The following THEMIS variants were observed in gnomAD, a reference collection of about 807,000 sequenced individuals.
THEMIS encodes the protein protein THEMIS.
Under a neutral mutation model 52.6 loss-of-function variants are expected in THEMIS, and 37 were observed. The ratio of observed to expected loss-of-function variants is 0.70; its 90% CI spans 0.54 to 0.93. The LOEUF is 0.93. THEMIS is among the 40% of genes least tolerant of loss of function. The pLI is 0.00. For synonymous variants in THEMIS, 292 were observed against 272.7 expected (o/e 1.07, Z -0.70); for missense variants, 808 against 763.1 (o/e 1.06, Z -0.69).
intron 2 of THEMIS, among the ~76,000 whole-genome samples, chr6:127,852,078 GA>G (rs1379867770): frequency 6.6e-6 from 1 of 151,486 alleles, no homozygotes; most frequent in Non-Finnish European, 1.5e-5. Flanking sequence ...TTAACTGAAA[GA>G]AAACTGGAGT....
chr6:127,792,753 G>C (rs1777200849), intron 4 of THEMIS, among the ~76,000 whole-genome samples: 1 of 152,180 alleles, frequency 6.6e-6, no homozygotes. Context: ...TTTGCAGCAT[G>C]GTCTGGCAGA....
intron 1 of THEMIS, among the ~76,000 whole-genome samples, chr6:127,876,995 T>C (rs117944353): frequency 0.015 from 2,254 of 152,252 alleles, 19 homozygotes; most frequent in Non-Finnish European, 0.023. Flanking sequence ...TCAGTGCATA[T>C]AAAAATTATA....
intron 4 of THEMIS, among the ~76,000 whole-genome samples, chr6:127,727,848 A>C (rs999102535): frequency 6.6e-6 from 1 of 152,144 alleles, no homozygotes; most frequent in Admixed American, 6.6e-5. Flanking sequence ...CCTCAGCTCA[A>C]CTTAAGCCTG....
At chr6:127,799,559 C>CTTT (rs1447767591) in intron 4 of THEMIS, among the ~76,000 whole-genome samples, 1 of 133,198 alleles carries the variant, frequency 7.5e-6, no homozygotes, top group Non-Finnish European at 1.5e-5. Flanking sequence ...TTCTATCTTT[C>CTTT]TTTCTTTCTT....
At position 127,882,006 on chromosome 6, in the gene THEMIS, A is replaced by C. The variant is rs990852720; in HGVS notation, c.91+18836T>G. Among the ~76,000 whole-genome samples the C allele has an allele frequency of 1.1e-3, 167 of 151,750 alleles. 2 individuals carry two copies. The highest frequency in any genetic ancestry group is 3.9e-3 in the African/African-American group (160 of 41,500). ...GTGTCATCTTATACAGCAAAAAAAA[A>C]AAAAAAATGGTCTCCAAGTTTTTAA... On this transcript the variant is annotated intron_variant, in intron 1 of 5. Transcript: ENST00000368248.
In THEMIS at chr6:127,819,146, A is replaced by G. The variant is rs1476718384; in HGVS notation, c.710-5215T>C. 3.6e-5 allele frequency among the ~76,000 whole-genome samples: 5 copies of G among 138,580 alleles called. No individual in the cohort carries two copies. The South Asian group carries it at 6.9e-4, about 19-fold the overall frequency. The allele number at this position is 138,580 out of a possible 152,430, so 90.9% of individuals were successfully genotyped here. ...AAAAAAAAAAAAAAAAAAAAAAAAA[A>G]AAAGAAAGAAATTAAAAACACAGAA... On this transcript the variant is annotated intron_variant, in intron 3 of 5. Transcript: ENST00000368248.
intron 2 of THEMIS, among the ~76,000 whole-genome samples, chr6:127,845,618 T>C (rs1019218147): frequency 4.6e-5 from 7 of 151,942 alleles, no homozygotes; most frequent in Non-Finnish European, 7.4e-5. Context: ...ATTTGACATA[T>C]CTGGTGGCTC....
the THEMIS span, among the ~76,000 whole-genome samples, chr6:127,698,748 C>T: frequency 6.6e-6 from 1 of 151,860 alleles, no homozygotes; most frequent in East Asian, 1.9e-4. Context: ...GAAGTCCCCA[C>T]CCAGGCCCAG....
intron 2 of THEMIS, among the ~76,000 whole-genome samples, chr6:127,837,629 T>C (rs1778914858): frequency 6.6e-6 from 1 of 152,024 alleles, no homozygotes; most frequent in African/African-American, 2.4e-5. Context: ...TATGCATATA[T>C]ATATATCTAT....
intron 1 of THEMIS, among the ~76,000 whole-genome samples, chr6:127,871,245 GA>G (rs888874596): frequency 6.6e-6 from 1 of 150,914 alleles, no homozygotes; most frequent in Non-Finnish European, 1.5e-5. Flanking sequence ...GCAAAAATAA[GA>G]AAAAAAATTT....
intron 4 of THEMIS, among the ~76,000 whole-genome samples, chr6:127,809,572 T>A (rs1777830285): frequency 6.6e-6 from 1 of 152,124 alleles, no homozygotes; most frequent in Admixed American, 6.5e-5. Context: ...CACACTAGAA[T>A]TAAAGGAACT....
intron 4 of THEMIS, among the ~76,000 whole-genome samples, chr6:127,742,170 C>T (rs1014259682): frequency 6.6e-6 from 1 of 151,772 alleles, no homozygotes; most frequent in Non-Finnish European, 1.5e-5. Flanking sequence ...AAAAGATTAG[C>T]TGGGCATGGT....
intron 1 of THEMIS, among the ~76,000 whole-genome samples, chr6:127,909,202 C>G (rs1421147594): frequency 1.3e-5 from 2 of 152,050 alleles, no homozygotes; most frequent in Non-Finnish European, 2.9e-5. Context: ...ATACATGAAA[C>G]TGTGAGTTAC....
intron 3 of THEMIS, among the ~76,000 whole-genome samples, chr6:127,824,925 AAAAC>A (rs57655447): frequency 0.02 from 3,080 of 151,322 alleles, 128 homozygotes; most frequent in African/African-American, 0.068. Flanking sequence ...ACTCCGTCTC[AAAAC>A]AAACAAACAA....
chr6:127,767,372 G>A lies in THEMIS; in HGVS notation c.1758+45511C>T, dbSNP rs191855574. ...CTCCCAAAGTGCTGGGATTACAGAC[G>A]TGAGCCACCACACCAGGCCAAATAT... On this transcript the variant is annotated intron_variant, in intron 4 of 5. Coordinates refer to ENST00000368248, the MANE Select transcript of THEMIS (RefSeq NM_001010923.3). 1.7e-4 allele frequency among the ~76,000 whole-genome samples: 26 copies of A among 152,254 alleles called. No homozygotes were observed. In the East Asian group the frequency reaches 1.9e-3, roughly 11 times the overall value.
rs543437690 is a variant in THEMIS at position 127,772,113 on chromosome 6, T to C, written c.1758+40770A>G. 7.2e-5 allele frequency among the ~76,000 whole-genome samples: 11 copies of C among 152,198 alleles called. No homozygotes were observed. The South Asian group carries it at 2.1e-3, about 29-fold the overall frequency. On this transcript the variant is annotated intron_variant, in intron 4 of 5. Transcript: ENST00000368248. ...GTTTTTCTGATTTATTTAATCATCC[T>C]CCTATTAATAGATATCTAGATTTCT...
At chr6:127,795,643 G>T (rs1777306644) in intron 4 of THEMIS, among the ~76,000 whole-genome samples, 2 of 152,042 alleles carry the variant, frequency 1.3e-5, no homozygotes, top group Admixed American at 1.3e-4. Flanking sequence ...ACTTTTTTTA[G>T]AAGTTAATAA....
rs1433173492 is a variant in THEMIS at position 127,900,966 on chromosome 6, T to C, written c.-34A>G. ...CTTGGGTAGTTTGTAGACCTGGTGC[T>C]CACAGAAACTTGTGGCTTCTGGGTG... On this transcript the variant is annotated 5_prime_UTR_variant, in exon 1 of 6. The change abolishes the stop of an existing upstream ORF in the 5' untranslated region. Coordinates refer to ENST00000368248, the MANE Select transcript of THEMIS (RefSeq NM_001010923.3). 5.8e-6 allele frequency: 9 copies of C among 1,559,768 alleles called. No homozygotes were observed. The highest frequency in any genetic ancestry group is 1.4e-5 in the African/African-American group (1 of 73,644).
chr6:127,816,789 C>G (rs967933341), intron 3 of THEMIS, among the ~76,000 whole-genome samples: 1 of 152,108 alleles, frequency 6.6e-6, no homozygotes, highest in African/African-American at 2.4e-5. Context: ...AAGTCCTTAC[C>G]TGGCCCCTGG....
Sources: gnomAD v4.1 joint callset for allele counts (sites outside exome capture counted in the v4.1 genomes callset) on GRCh38, gnomAD v4.1.1 for gene constraint, MANE v1.5 for transcripts, NCBI Gene and HGNC (gene_info 2026-07-23, HGNC 2026-07-21) for gene names.